Variants in CNTNAP2 observed in about 807,000 individuals in gnomAD.
The protein encoded by CNTNAP2 is contactin-associated protein-like 2.
Under a neutral mutation model 155.2 loss-of-function variants are expected in CNTNAP2, and 98 were observed. The observed-to-expected ratio is 0.63, with a 90% confidence interval of 0.54 to 0.75. The LOEUF (loss-of-function observed/expected upper bound fraction) is 0.75, where lower values mean the gene tolerates loss of function less well. Ranked by LOEUF, CNTNAP2 falls within the 30% of genes least tolerant of loss-of-function variation. The pLI is 0.00. For synonymous variants in CNTNAP2, 651 were observed against 631.2 expected (o/e 1.03, Z -0.47); for missense variants, 1,727 against 1,688.1 (o/e 1.02, Z -0.40).
At chr7:146,903,601 T>C (rs1796050649) in intron 3 of CNTNAP2, among the ~76,000 whole-genome samples, 1 of 152,154 alleles carries the variant, frequency 6.6e-6, no homozygotes, top group South Asian at 2.1e-4. Flanking sequence ...CTGGTCCAGA[T>C]CTGACCTCTC....
intron 15 of CNTNAP2, among the ~76,000 whole-genome samples, chr7:148,112,990 T>C (rs759611633): frequency 3.6e-4 from 55 of 152,176 alleles, no homozygotes; most frequent in Admixed American, 9.2e-4. Context: ...CACTAGACTT[T>C]TATAACTATG....
At chr7:146,890,252 A>G (rs1331197303) in intron 3 of CNTNAP2, among the ~76,000 whole-genome samples, 1 of 152,208 alleles carries the variant, frequency 6.6e-6, no homozygotes, top group Non-Finnish European at 1.5e-5. Context: ...TATTTTATGT[A>G]GAATGTTATT....
At chr7:146,826,261 C>T (rs1325055496) in intron 2 of CNTNAP2, among the ~76,000 whole-genome samples, 1 of 152,082 alleles carries the variant, frequency 6.6e-6, no homozygotes, top group Non-Finnish European at 1.5e-5. Flanking sequence ...ATAACTAAAG[C>T]TGTTTTTTGC....
At chr7:147,194,573 C>T (rs922868151) in intron 8 of CNTNAP2, among the ~76,000 whole-genome samples, 4 of 152,154 alleles carry the variant, frequency 2.6e-5, no homozygotes, top group African/African-American at 9.7e-5. Flanking sequence ...TCTCCACATC[C>T]TCTCCAGCAT....
chr7:146,811,394 T>G (rs958190193), intron 2 of CNTNAP2, among the ~76,000 whole-genome samples: 1 of 152,200 alleles, frequency 6.6e-6, no homozygotes, highest in Non-Finnish European at 1.5e-5. Flanking sequence ...ATTTATCTGT[T>G]TCTTTGAACT....
chr7:148,217,694 A>T (rs534762925), intron 19 of CNTNAP2, among the ~76,000 whole-genome samples, 170 bp downstream of exon 19: 12 of 152,362 alleles, frequency 7.9e-5, no homozygotes, highest in Admixed American at 7.8e-4. Context: ...CAGGAAAACA[A>T]CTTGCCAGCT....
At chr7:148,114,195 G>A (rs1312183297) in intron 15 of CNTNAP2, among the ~76,000 whole-genome samples, 1 of 152,160 alleles carries the variant, frequency 6.6e-6, no homozygotes, top group Non-Finnish European at 1.5e-5. Context: ...AAGTCTATAG[G>A]GAGTTATAGA....
chr7:147,587,050 G>A (rs62481357), intron 12 of CNTNAP2, among the ~76,000 whole-genome samples: 58,800 of 151,952 alleles, frequency 0.39, 11,403 homozygotes, highest in Admixed American at 0.43. Context: ...TTGGACAGAG[G>A]CATCCCCAAA....
intron 21 of CNTNAP2, among the ~76,000 whole-genome samples, chr7:148,331,240 A>AATGGATGG (rs1798000148): frequency 9.1e-6 from 1 of 110,232 alleles, no homozygotes; most frequent in African/African-American, 3.5e-5. Context: ...GGATGGATGG[A>AATGGATGG]ACAGATGGAT....
intron 13 of CNTNAP2, among the ~76,000 whole-genome samples, chr7:147,713,674 A>G (rs139903600): frequency 0.016 from 2,500 of 152,172 alleles, 222 homozygotes; most frequent in Admixed American, 0.15. Context: ...GGATTGCTGG[A>G]TTGTATGGTA....
At chr7:147,668,266 A>C (rs1250230128) in intron 13 of CNTNAP2, among the ~76,000 whole-genome samples, 1 of 152,268 alleles carries the variant, frequency 6.6e-6, no homozygotes, top group Non-Finnish European at 1.5e-5. Context: ...CGTGGACCCC[A>C]AAACTGAATG....
intron 13 of CNTNAP2, among the ~76,000 whole-genome samples, chr7:147,874,551 G>C (rs1040525110): frequency 2.0e-5 from 3 of 152,276 alleles, no homozygotes; most frequent in Non-Finnish European, 4.4e-5. Context: ...GGGGGGCCCT[G>C]GGCCCAGCCC....
chr7:147,175,989 C>A (rs1802330580), intron 8 of CNTNAP2, among the ~76,000 whole-genome samples: 2 of 152,252 alleles, frequency 1.3e-5, no homozygotes, highest in Non-Finnish European at 2.9e-5. Flanking sequence ...CTGGCAGTTA[C>A]CTGGAGTAAA....
At chr7:146,614,286 T>G (rs1799187874) in intron 1 of CNTNAP2, among the ~76,000 whole-genome samples, 1 of 152,354 alleles carries the variant, frequency 6.6e-6, no homozygotes, top group Middle Eastern at 3.4e-3. Context: ...GTAAGCTTTA[T>G]TTTTATAAAT....
intron 8 of CNTNAP2, chr7:147,162,002 T>C (rs1183789593): frequency 6.6e-6 from 1 of 152,192 alleles, no homozygotes; most frequent in Non-Finnish European, 1.5e-5. Context: ...AGGCCTATGC[T>C]ATGAATGGAA....
intron 8 of CNTNAP2, among the ~76,000 whole-genome samples, chr7:147,138,015 T>C (rs762690840): frequency 2.4e-4 from 36 of 151,968 alleles, no homozygotes; most frequent in African/African-American, 7.0e-4. Context: ...AATAAATAAA[T>C]AAATCATCAC....
chr7:147,993,424 G>T (rs970291663), intron 15 of CNTNAP2, among the ~76,000 whole-genome samples: 4 of 152,204 alleles, frequency 2.6e-5, no homozygotes, highest in African/African-American at 9.7e-5. Context: ...ACAACAGATA[G>T]ATAGATGCTC....
chr7:147,422,133 G>GTA lies in CNTNAP2; in HGVS notation c.1670+26364_1670+26365dup, dbSNP rs113191488. On this transcript the variant is annotated intron_variant, in intron 10 of 23. Coordinates refer to ENST00000361727, the MANE Select transcript of CNTNAP2 (RefSeq NM_014141.6). Reference sequence around the variant, plus strand: ...TATATATATAGTATGTATATATACAGTATATATATATAGTATGTATATATA... The same window carrying GTA: ...TATATATATAGTATGTATATATACAGTATATATATATATAGTATGTATATATA... Among the ~76,000 whole-genome samples the GTA allele has an allele frequency of 1.3e-3, 183 of 145,720 alleles. 2 individuals carry two copies. In the East Asian group the frequency reaches 0.017, roughly 14 times the overall value.
chr7:148,055,332 C>T (rs1038135261), intron 15 of CNTNAP2, among the ~76,000 whole-genome samples: 3 of 152,160 alleles, frequency 2.0e-5, no homozygotes, highest in African/African-American at 7.2e-5. Context: ...GGGTTGGACT[C>T]AGTAAAAATC....
Sources: gnomAD v4.1 joint callset for allele counts (sites outside exome capture counted in the v4.1 genomes callset) on GRCh38, gnomAD v4.1.1 for gene constraint, MANE v1.5 for transcripts, NCBI Gene and HGNC (gene_info 2026-07-23, HGNC 2026-07-21) for gene names.